Variants in PARP1 observed in about 807,000 individuals in gnomAD.
The protein encoded by PARP1 is poly(ADP-ribose) polymerase 1.
In PARP1, 44 loss-of-function variants were observed where a neutral mutation model predicts 118.7. The ratio of observed to expected loss-of-function variants is 0.37; its 90% CI spans 0.29 to 0.48. PARP1 has a LOEUF of 0.48. Among genes scored for constraint, PARP1 ranks in the 20% least tolerant of loss-of-function variants. The probability of loss-of-function intolerance (pLI) is 0.99; values close to 1 mark genes in which losing one functional copy is unlikely to be tolerated. For synonymous variants in PARP1, 492 were observed against 483.2 expected (o/e 1.02, Z -0.24); for missense variants, 1,100 against 1,272.4 (o/e 0.86, Z 2.06).
At chr1:226,388,314 C>T (rs749218267) in intron 5 of PARP1, among the ~76,000 whole-genome samples, 4 of 152,170 alleles carry the variant, frequency 2.6e-5, no homozygotes, top group Admixed American at 2.0e-4. Context: ...TTGCAAGTGA[C>T]CACAAAGGTG....
intron 2 of PARP1, chr1:226,401,961 T>C: frequency 6.9e-7 from 1 of 1,442,714 alleles, no homozygotes; most frequent in Middle Eastern, 2.0e-4. Flanking sequence ...TGAACAAAAA[T>C]AAAGTATATT....
At chr1:226,400,894 G>A (rs1215147562) in intron 2 of PARP1, among the ~76,000 whole-genome samples, 1 of 152,190 alleles carries the variant, frequency 6.6e-6, no homozygotes, top group East Asian at 1.9e-4. Context: ...CTTGCGTGAG[G>A]GCATCCTGCA....
At chr1:226,395,062 G>T (rs1384392564) in intron 2 of PARP1, among the ~76,000 whole-genome samples, 1 of 151,848 alleles carries the variant, frequency 6.6e-6, no homozygotes, top group Non-Finnish European at 1.5e-5. Flanking sequence ...AGTCGTTAGG[G>T]AAATGAAAAT....
chr1:226,379,047 G>C (rs1576395477), intron 12 of PARP1, 95 bp downstream of exon 12: 1 of 1,439,644 alleles, frequency 6.9e-7, no homozygotes, highest in Middle Eastern at 1.9e-4. Flanking sequence ...CCAGGCACTG[G>C]GCCTAACGGG....
chr1:226,393,604 G>A (rs141861819), intron 2 of PARP1, among the ~76,000 whole-genome samples: 1 of 152,340 alleles, frequency 6.6e-6, no homozygotes. Context: ...TGAAGAAAGC[G>A]TGTAAGAGGG....
At chr1:226,404,638 CCCCTGACCAAAGCAATGCTTTGCCCTA>C (rs1465934002) in intron 1 of PARP1, among the ~76,000 whole-genome samples, 5 of 152,200 alleles carry the variant, frequency 3.3e-5, no homozygotes, top group Non-Finnish European at 7.3e-5. Context: ...AGCAGAAGCA[CCCCTGACCAAAGCAATGCTTTGCCCTA>C]AACTCAGGAC....
At chr1:226,393,790 G>C (rs1158841472) in intron 2 of PARP1, among the ~76,000 whole-genome samples, 1 of 152,170 alleles carries the variant, frequency 6.6e-6, no homozygotes, top group Non-Finnish European at 1.5e-5. Flanking sequence ...ATATGTATAA[G>C]CATTTGTCAA....
rs1439675776 is a variant in PARP1 at position 226,365,082 on chromosome 1, G to C, written c.2578C>G (p.Leu860Val). Residue 860 changes from leucine to valine, a missense_variant, in exon 19 of 23, where the codon CTG (leucine) becomes GTG (valine). By Grantham distance (32) the Leu-to-Val change is conservative (BLOSUM62 1). Transcript: ENST00000366794. ...PFKQLHNRRLLWHGSRTTNFA... is the reference protein window; with the variant it reads ...PFKQLHNRRLVWHGSRTTNFA... ...TTGGTGGTCCTGGACCCGTGCCACA[G>C]CAATCTTCGGTTATGAAGCTGCTTA... 1 of 1,614,238 alleles carries C rather than the reference G, an allele frequency of 6.2e-7. No homozygotes were observed. Among genetic ancestry groups the C allele is most frequent in the Non-Finnish European group, 8.5e-7 (1 of 1,180,038 alleles).
At chr1:226,374,908 G>A (rs1021760033) in intron 13 of PARP1, among the ~76,000 whole-genome samples, 1 of 152,150 alleles carries the variant, frequency 6.6e-6, no homozygotes, top group Non-Finnish European at 1.5e-5. Context: ...TTAGCTGTCC[G>A]TCCTCTTCCT....
At chr1:226,405,619 C>G (rs1160694110) in intron 1 of PARP1, among the ~76,000 whole-genome samples, 3 of 152,116 alleles carry the variant, frequency 2.0e-5, no homozygotes, top group Non-Finnish European at 4.4e-5. Flanking sequence ...GAATGCTAAA[C>G]TTGATCAGGT....
intron 21 of PARP1, 64 bp from the exon 22 acceptor site, chr1:226,362,147 G>T: frequency 1.1e-6 from 1 of 886,474 alleles, no homozygotes; most frequent in East Asian, 2.4e-5. Flanking sequence ...CTTCCAGGGA[G>T]ATGAGCTCTA....
chr1:226,379,934 C>T lies in PARP1; in HGVS notation c.1531G>A (p.Val511Ile), dbSNP rs745820900. Residue 511 changes from valine to isoleucine, a missense_variant, in exon 10 of 23, where the codon GTC becomes ATC. This residue lies in a region of PARP1 where 948 missense variants were observed against 1,031.8 expected (regional missense o/e 0.92). Coordinates refer to ENST00000366794, the MANE Select transcript of PARP1 (RefSeq NM_001618.4). ...AALSKKSKGQVKEEGINKSEK... is the reference protein window; with the variant it reads ...AALSKKSKGQIKEEGINKSEK... ...TTGGGGCCCTCACCTTCCTCCTTGA[C>T]CTGGCCCTTGCTTTTTTTGGAGAGC... The T allele has an allele frequency of 6.2e-7, 1 of 1,613,898 alleles. No individual in the cohort carries two copies. Among genetic ancestry groups the T allele is most frequent in the South Asian group, 1.1e-5 (1 of 91,066 alleles).
intron 15 of PARP1, among the ~76,000 whole-genome samples, chr1:226,368,859 T>C (rs2102729280): frequency 6.6e-6 from 1 of 152,312 alleles, no homozygotes; most frequent in South Asian, 2.1e-4. Context: ...CAGTGTCACT[T>C]GGTGCTCTAT....
chr1:226,402,517 T>A, intron 1 of PARP1, 138 bp from the exon 2 acceptor site: 3 of 810,898 alleles, frequency 3.7e-6, no homozygotes, highest in Non-Finnish European at 4.1e-6. Context: ...CTCCTATCTG[T>A]GAAAGGAGGA....
chr1:226,390,473 C>T lies in PARP1; in HGVS notation c.554G>A (p.Ser185Asn), dbSNP rs1039658611. Residue 185 changes from serine (S) to asparagine (N), a missense_variant, in exon 4 of 23, where the codon AGC becomes AAC. Coordinates refer to ENST00000366794, the MANE Select transcript of PARP1 (RefSeq NM_001618.4). Reference protein sequence around the residue: ...EYSASQLKGFSLLATEDKEAL... With the variant: ...EYSASQLKGFNLLATEDKEAL... ...TTCTTTATCCTCTGTAGCAAGGAGGCTGAAGCCCTTGAGCTGACTCGCACT... is the reference window on the plus strand; with the variant it reads ...TTCTTTATCCTCTGTAGCAAGGAGGTTGAAGCCCTTGAGCTGACTCGCACT... 3 of 1,614,090 alleles carry T rather than the reference C, an allele frequency of 1.9e-6. No homozygotes were observed. Among genetic ancestry groups the T allele is most frequent in the Admixed American group, 3.3e-5 (2 of 60,012 alleles).
rs555478222 is a variant in PARP1 at position 226,360,933 on chromosome 1, T to C, written c.*527A>G. The C allele has an allele frequency of 3.1e-5, 7 of 228,768 alleles. No homozygotes were observed. The highest frequency in any genetic ancestry group is 1.4e-3 in the Middle Eastern group (1 of 736). The allele number at this position is 228,768 out of a possible 1,614,324, so 14.2% of individuals were successfully genotyped here. ...CCTTCCTTTGGTCTTCCCACACCCCTCACCACAAGAGGCAAACAAAAAAAA... is the reference window on the plus strand; with the variant it reads ...CCTTCCTTTGGTCTTCCCACACCCCCCACCACAAGAGGCAAACAAAAAAAA... On this transcript the variant is annotated 3_prime_UTR_variant, in exon 23 of 23. Coordinates refer to ENST00000366794, the MANE Select transcript of PARP1 (RefSeq NM_001618.4).
At chr1:226,393,128 G>T in intron 2 of PARP1, 4 of 747,404 alleles carry the variant, frequency 5.4e-6, no homozygotes, top group Non-Finnish European at 7.7e-6. Flanking sequence ...TAAATTAAGT[G>T]AATTTAGCAA....
At chr1:226,363,257 T>G (rs1664188115) in intron 20 of PARP1, 97 bp from the exon 21 acceptor site, 2 of 874,322 alleles carry the variant, frequency 2.3e-6, no homozygotes, top group Admixed American at 1.7e-5. Context: ...AGAGATGAGA[T>G]AAAAGTCCAC....
rs1338056667 is a variant in PARP1, at chr1:226,390,442, C to T, written c.585G>A (p.Leu195=). 1 of 1,614,092 alleles carries T rather than the reference C, an allele frequency of 6.2e-7. No homozygotes were observed. Among genetic ancestry groups the T allele is most frequent in the Admixed American group, 1.7e-5 (1 of 60,026 alleles). The change falls in exon 4 of 23, where the codon CTG becomes CTA. Residue 195 remains leucine, a synonymous_variant. Coordinates refer to ENST00000366794, the MANE Select transcript of PARP1 (RefSeq NM_001618.4). ...SLLATEDKEA[L]KKQLPGVKSE... is the part of the protein sequence containing the mutation. Reference sequence around the variant, plus strand: ...TCTTGACTCCTGGGAGCTGCTTCTTCAGGGCTTCTTTATCCTCTGTAGCAA... The same window carrying T: ...TCTTGACTCCTGGGAGCTGCTTCTTTAGGGCTTCTTTATCCTCTGTAGCAA...
Sources: gnomAD v4.1 joint callset for allele counts (sites outside exome capture counted in the v4.1 genomes callset) on GRCh38, gnomAD v4.1.1 for gene constraint, gnomAD v4.1.1 regional missense constraint, MANE v1.5 for transcripts, NCBI Gene and HGNC (gene_info 2026-07-23, HGNC 2026-07-21) for gene names.